The following TMCO1 variants were observed in gnomAD, a reference collection of about 807,000 sequenced individuals.
TMCO1 encodes calcium load-activated calcium channel.
Under a neutral mutation model 29.3 loss-of-function variants are expected in TMCO1, and 29 were observed. The ratio of observed to expected loss-of-function variants is 0.99; its 90% CI spans 0.74 to 1.35. The LOEUF (loss-of-function observed/expected upper bound fraction) is 1.35. TMCO1 is among the 40% of genes most tolerant of loss of function. The pLI, the probability that TMCO1 is intolerant of heterozygous loss-of-function variation, is 0.00. For synonymous variants in TMCO1, 80 were observed against 77.1 expected (o/e 1.04, Z -0.20); for missense variants, 173 against 225.5 (o/e 0.77, Z 1.49).
At chr1:165,752,422 A>G (rs1652034547) in intron 4 of TMCO1, among the ~76,000 whole-genome samples, 1 of 150,494 alleles carries the variant, frequency 6.6e-6, no homozygotes, top group African/African-American at 2.4e-5. Context: ...CGCTTGGCTG[A>G]TTTTTTGTAT....
downstream of TMCO1, chr1:165,726,083 G>T: frequency 1.4e-6 from 1 of 695,994 alleles, no homozygotes; most frequent in Non-Finnish European, 2.6e-6. Context: ...GGTGATGGCA[G>T]AATTTTGAGG....
At chr1:165,733,894 TA>T (rs1651271287) in intron 6 of TMCO1, among the ~76,000 whole-genome samples, 1 of 152,254 alleles carries the variant, frequency 6.6e-6, no homozygotes, top group Non-Finnish European at 1.5e-5. Flanking sequence ...CTTTCCTCTT[TA>T]CCATGATTAA....
Position 165,730,165 on chromosome 1 carries a change from C to CAAAAAAAAAAAA in TMCO1, c.469-2045_469-2044insTTTTTTTTTTTT, listed in dbSNP as rs572104283. Among the ~76,000 whole-genome samples the CAAAAAAAAAAAA allele has an allele frequency of 3.1e-4, 32 of 102,872 alleles. 1 individual carries two copies. The highest frequency in any genetic ancestry group is 3.4e-4 in the Non-Finnish European group (17 of 50,676). 67.5% of individuals were successfully genotyped at this position (102,872 alleles called of 152,430 possible). A position where few individuals can be genotyped will look rare whatever the true frequency, so the allele number is the denominator to read the frequency against. The stretch of plus-strand genomic sequence containing the variant: ...TGAAACCCCGTCTGTACTAAAAATA[C>CAAAAAAAAAAAA]ACACACACAAAAAAAAAAAAATTAG... On this transcript the variant is annotated intron_variant, in intron 6 of 6. Transcript: ENST00000367881.
At chr1:165,741,951 G>C (rs868063299) in intron 6 of TMCO1, among the ~76,000 whole-genome samples, 1 of 152,284 alleles carries the variant, frequency 6.6e-6, no homozygotes, top group Middle Eastern at 3.4e-3. Context: ...CATGCTTCCT[G>C]TACAATCTAC....
chr1:165,763,907 G>T (rs536258488), intron 2 of TMCO1, among the ~76,000 whole-genome samples: 1 of 152,192 alleles, frequency 6.6e-6, no homozygotes. Flanking sequence ...GATTACAGGC[G>T]TAAGCCACTG....
intron 2 of TMCO1, among the ~76,000 whole-genome samples, chr1:165,767,126 G>A (rs1367789996): frequency 6.6e-6 from 1 of 152,148 alleles, no homozygotes; most frequent in East Asian, 1.9e-4. Context: ...TGACATGGAG[G>A]TAATATTTAT....
chr1:165,724,389 A>C (rs1650767022), downstream of TMCO1: 1 of 454,014 alleles, frequency 2.2e-6, no homozygotes, highest in South Asian at 1.6e-5. Flanking sequence ...GCATGCTATC[A>C]CCAAAATCCA....
At chr1:165,726,062 C>A (rs766012658), downstream of TMCO1, 3 of 693,042 alleles carry the variant, frequency 4.3e-6, no homozygotes, top group South Asian at 3.0e-5. Flanking sequence ...TATATATTCT[C>A]ACTTTAAAAA....
intron 3 of TMCO1, among the ~76,000 whole-genome samples, chr1:165,755,429 C>A (rs905178029): frequency 2.0e-5 from 3 of 151,952 alleles, no homozygotes; most frequent in Non-Finnish European, 1.5e-5. Flanking sequence ...ACCTGTAATC[C>A]CAGCTCTTTG....
chr1:165,765,743 T>C (rs571067883), intron 2 of TMCO1, among the ~76,000 whole-genome samples: 10 of 152,220 alleles, frequency 6.6e-5, no homozygotes, highest in African/African-American at 2.4e-4. Flanking sequence ...GTATGGCTAG[T>C]ATGTGTAAAG....
At position 165,737,376 on chromosome 1, in the gene TMCO1, T is replaced by C. The variant is rs886107249; in HGVS notation, c.468+5791A>G. Among the ~76,000 whole-genome samples, 8 of 151,740 alleles carry C rather than the reference T, an allele frequency of 5.3e-5. 1 individual carries two copies. Among genetic ancestry groups the C allele is most frequent in the African/African-American group, 1.9e-4 (8 of 41,402 alleles). ...AAAAAAATTCAACATAGCTTCAGTG[T>C]CCTGTTGGACAATACCCAAAATGAC... On this transcript the variant is annotated intron_variant, in intron 6 of 6. Coordinates refer to ENST00000367881, the MANE Select transcript of TMCO1 (RefSeq NM_019026.6).
intron 3 of TMCO1, among the ~76,000 whole-genome samples, chr1:165,757,950 C>T (rs2101811957): frequency 3.3e-5 from 5 of 152,238 alleles, no homozygotes; most frequent in Admixed American, 3.3e-4. Context: ...TATATCCTTC[C>T]TATTCTTTAT....
intron 3 of TMCO1, among the ~76,000 whole-genome samples, chr1:165,756,439 C>T (rs1225067030): frequency 1.3e-5 from 2 of 152,144 alleles, no homozygotes; most frequent in Non-Finnish European, 2.9e-5. Flanking sequence ...GCCTGAGTTT[C>T]TCATCACGTA....
In TMCO1 at chr1:165,743,317, A is replaced by AC. The variant is rs2101798786; in HGVS notation, c.324-7_324-6insG. 5 of 1,605,916 alleles carry AC rather than the reference A, an allele frequency of 3.1e-6. No homozygotes were observed. The highest frequency in any genetic ancestry group is 2.2e-5 in the East Asian group (1 of 44,662). On this transcript the variant is annotated splice_region_variant and splice_polypyrimidine_tract_variant and intron_variant, in intron 5 of 6. Coordinates refer to ENST00000367881, the MANE Select transcript of TMCO1 (RefSeq NM_019026.6). ...CCACCACTCTACCATCAAATCTAAAAGAAAAAAAAAAAAAAAGAATTGTTA... is the reference window on the plus strand; with the variant it reads ...CCACCACTCTACCATCAAATCTAAAACGAAAAAAAAAAAAAAAGAATTGTTA...
At chr1:165,756,352 T>C (rs1652192141) in intron 3 of TMCO1, among the ~76,000 whole-genome samples, 1 of 152,116 alleles carries the variant, frequency 6.6e-6, no homozygotes, top group Admixed American at 6.5e-5. Context: ...TGTCCAGCTT[T>C]TTCTCAAGAC....
intron 2 of TMCO1, among the ~76,000 whole-genome samples, chr1:165,760,137 T>C (rs943839023): frequency 1.3e-5 from 2 of 152,088 alleles, no homozygotes; most frequent in Non-Finnish European, 2.9e-5. Flanking sequence ...CCAAAAAAGC[T>C]AAGACCAGAC....
At chr1:165,743,659 A>C (rs1197526479) in intron 5 of TMCO1, among the ~76,000 whole-genome samples, 1 of 152,094 alleles carries the variant, frequency 6.6e-6, no homozygotes, top group Non-Finnish European at 1.5e-5. Context: ...AATGTTTAAT[A>C]TTTATTTTTT....
Position 165,759,512 on chromosome 1 carries a change from TATCTC to T in TMCO1, c.208+8_208+12del. ...AAAACCCAAATTTCATTTTGACTAATATCTCATCTTACCTATTTTCTTTTTCTGTT... is the reference window on the plus strand; with the variant it reads ...AAAACCCAAATTTCATTTTGACTAATATCTTACCTATTTTCTTTTTCTGTT... On this transcript the variant is annotated splice_region_variant and intron_variant, in intron 3 of 6. Transcript: ENST00000367881. 6.2e-7 allele frequency: 1 copy of T among 1,601,438 alleles called. No individual in the cohort carries two copies. Among genetic ancestry groups the T allele is most frequent in the Non-Finnish European group, 8.5e-7 (1 of 1,170,434 alleles).
chr1:165,764,361 GGAGA>G (rs1277391238), intron 2 of TMCO1, among the ~76,000 whole-genome samples: 1 of 152,168 alleles, frequency 6.6e-6, no homozygotes, highest in Non-Finnish European at 1.5e-5. Flanking sequence ...GTTTTGTTGA[GGAGA>G]GAGACATTAC....
Sources: gnomAD v4.1 joint callset for allele counts (sites outside exome capture counted in the v4.1 genomes callset) on GRCh38, gnomAD v4.1.1 for gene constraint, MANE v1.5 for transcripts, NCBI Gene and HGNC (gene_info 2026-07-23, HGNC 2026-07-21) for gene names.